Variants in ARMH3 observed in about 807,000 individuals in gnomAD.
ARMH3 encodes armadillo like helical domain containing 3.
ARMH3 carries 60 observed loss-of-function variants against 99.1 expected under a neutral mutation model. The ratio of observed to expected loss-of-function variants is 0.61; its 90% CI spans 0.49 to 0.75. ARMH3 has a LOEUF of 0.75. Among genes scored for constraint, ARMH3 ranks in the 30% least tolerant of loss-of-function variants. The pLI, the probability that ARMH3 is intolerant of heterozygous loss-of-function variation, is 0.00. For missense variants in ARMH3, 679 were observed against 843.1 expected (o/e 0.81, Z 2.41); for synonymous variants, 285 against 292.8 (o/e 0.97, Z 0.27).
At position 102,012,817 on chromosome 10, in the gene ARMH3, G is replaced by C. The variant is rs1187565591; in HGVS notation, c.770+16C>G. The C allele has an allele frequency of 1.2e-6, 2 of 1,602,754 alleles. No homozygotes were observed. The highest frequency in any genetic ancestry group is 1.7e-6 in the Non-Finnish European group (2 of 1,172,624). ...TGAAAATCAGACCCCCTTCCATTCT[G>C]GAAAGGTGGACTTACCTGTTGTACT... On this transcript the variant is annotated intron_variant, in intron 10 of 25. Transcript: ENST00000370033.
intron 24 of ARMH3, among the ~76,000 whole-genome samples, chr10:101,867,085 G>A (rs1449341997): frequency 6.6e-6 from 1 of 152,208 alleles, no homozygotes; most frequent in East Asian, 1.9e-4. Context: ...TTGGGTTTAT[G>A]ATGAGGAGTG....
intron 2 of ARMH3, among the ~76,000 whole-genome samples, chr10:102,036,011 C>T (rs1321317082): frequency 6.6e-5 from 10 of 151,880 alleles, no homozygotes; most frequent in African/African-American, 2.4e-4. Context: ...CACCTCTGCC[C>T]GGCCGCGACC....
chr10:102,014,034 A>G lies in ARMH3; in HGVS notation c.670-10T>C. The G allele has an allele frequency of 6.2e-7, 1 of 1,604,794 alleles. No individual in the cohort carries two copies. The highest frequency in any genetic ancestry group is 8.5e-7 in the Non-Finnish European group (1 of 1,175,110). On this transcript the variant is annotated splice_polypyrimidine_tract_variant and intron_variant, in intron 8 of 25. Transcript: ENST00000370033. ...TATAAGGATTCACAGACTGTTAAATAAGAGAAGAGACTCCAGGTAAGTCTG... is the reference window on the plus strand; with the variant it reads ...TATAAGGATTCACAGACTGTTAAATGAGAGAAGAGACTCCAGGTAAGTCTG...
At chr10:101,924,511 G>A (rs1323995565) in intron 23 of ARMH3, among the ~76,000 whole-genome samples, 10 of 150,670 alleles carry the variant, frequency 6.6e-5, no homozygotes, top group Non-Finnish European at 1.5e-4. Flanking sequence ...ACAGGCGCCC[G>A]CCACCATGCC....
chr10:102,040,546 A>C (rs1318618403), intron 1 of ARMH3, among the ~76,000 whole-genome samples: 1 of 152,250 alleles, frequency 6.6e-6, no homozygotes, highest in Non-Finnish European at 1.5e-5. Flanking sequence ...ACTGATAAAC[A>C]ACCATGCTAC....
intron 10 of ARMH3, among the ~76,000 whole-genome samples, chr10:102,012,462 TAAC>T (rs1201087786): frequency 6.6e-6 from 1 of 152,254 alleles, no homozygotes; most frequent in Non-Finnish European, 1.5e-5. Context: ...TTTTTTAAGA[TAAC>T]AAAAAAGCAG....
intron 20 of ARMH3, among the ~76,000 whole-genome samples, chr10:101,960,751 A>G (rs1845259258): frequency 6.6e-6 from 1 of 151,904 alleles, no homozygotes; most frequent in African/African-American, 2.4e-5. Flanking sequence ...TTAGCCAGGC[A>G]CGGTGGCGGG....
At chr10:101,883,986 TCACA>T (rs140583795) in intron 24 of ARMH3, among the ~76,000 whole-genome samples, 79 of 145,492 alleles carry the variant, frequency 5.4e-4, no homozygotes, top group African/African-American at 1.7e-3. Flanking sequence ...GAGGGAGATC[TCACA>T]CACACACACA....
At chr10:102,030,200 T>C (rs2136197021) in intron 4 of ARMH3, among the ~76,000 whole-genome samples, 1 of 152,206 alleles carries the variant, frequency 6.6e-6, no homozygotes, top group Non-Finnish European at 1.5e-5. Flanking sequence ...GAATTAGAAA[T>C]GTGAGCCACT....
intron 23 of ARMH3, among the ~76,000 whole-genome samples, chr10:101,916,460 C>A (rs1265244330): frequency 6.6e-6 from 1 of 152,184 alleles, no homozygotes; most frequent in East Asian, 1.9e-4. Flanking sequence ...ATTATAACTC[C>A]TGTCATTCAA....
Position 101,930,214 on chromosome 10 carries a change from C to A in ARMH3, c.1781+9649G>T, listed in dbSNP as rs147739555. The stretch of plus-strand genomic sequence containing the variant: ...TATCAATAGAATAAGAAATAGAAAC[C>A]ACAAAATCATCTCAATAGAAGCAAA... On this transcript the variant is annotated intron_variant, in intron 23 of 25. Coordinates refer to ENST00000370033, the MANE Select transcript of ARMH3 (RefSeq NM_024541.3). Among the ~76,000 whole-genome samples, 53 of 151,846 alleles carry A rather than the reference C, an allele frequency of 3.5e-4. No individual in the cohort carries two copies. The East Asian group carries it at 9.1e-3, about 26-fold the overall frequency.
At chr10:101,989,287 T>C (rs1464535883) in intron 19 of ARMH3, among the ~76,000 whole-genome samples, 3 of 152,072 alleles carry the variant, frequency 2.0e-5, no homozygotes, top group Admixed American at 6.5e-5. Context: ...TAGTCCCAGC[T>C]ACTTTGGGAG....
chr10:101,863,847 G>A (rs902046557), intron 24 of ARMH3, among the ~76,000 whole-genome samples: 3 of 151,992 alleles, frequency 2.0e-5, no homozygotes, highest in African/African-American at 7.2e-5. Flanking sequence ...TGTATCACAA[G>A]GTCAAGAGTT....
chr10:102,027,795 A>G (rs1461509379), intron 5 of ARMH3, among the ~76,000 whole-genome samples: 1 of 151,766 alleles, frequency 6.6e-6, no homozygotes, highest in African/African-American at 2.4e-5. Context: ...TTGTATATTT[A>G]TAATTATATA....
intron 23 of ARMH3, among the ~76,000 whole-genome samples, chr10:101,921,016 A>G (rs1345345799): frequency 1.3e-5 from 2 of 152,216 alleles, no homozygotes; most frequent in Non-Finnish European, 2.9e-5. Flanking sequence ...TTGTTTAATC[A>G]GTACAATTTC....
At chr10:101,860,988 A>G (rs929859865) in intron 24 of ARMH3, among the ~76,000 whole-genome samples, 3 of 152,264 alleles carry the variant, frequency 2.0e-5, no homozygotes, top group Non-Finnish European at 2.9e-5. Flanking sequence ...ATAGCCAGAC[A>G]TATCAAGAAG....
intron 22 of ARMH3, among the ~76,000 whole-genome samples, chr10:101,949,465 A>G (rs1844694834): frequency 6.6e-6 from 1 of 152,160 alleles, no homozygotes; most frequent in African/African-American, 2.4e-5. Flanking sequence ...ATGCCCCATA[A>G]AAGTGACAAC....
At chr10:102,000,486 C>T (rs1399047216) in intron 15 of ARMH3, among the ~76,000 whole-genome samples, 2 of 151,620 alleles carry the variant, frequency 1.3e-5, no homozygotes, top group Non-Finnish European at 2.9e-5. Flanking sequence ...AGGCCAGGTG[C>T]GGTGGCTCAC....
chr10:101,981,998 G>A, intron 19 of ARMH3, among the ~76,000 whole-genome samples: 1 of 144,496 alleles, frequency 6.9e-6, no homozygotes. Flanking sequence ...CTCCAGCCTG[G>A]GCGACAGAGC....
Sources: gnomAD v4.1 joint callset for allele counts (sites outside exome capture counted in the v4.1 genomes callset) on GRCh38, gnomAD v4.1.1 for gene constraint, MANE v1.5 for transcripts, NCBI Gene and HGNC (gene_info 2026-07-23, HGNC 2026-07-21) for gene names.